The following MS4A4E variants were observed in gnomAD, a reference collection of about 807,000 sequenced individuals.
The protein encoded by MS4A4E is putative membrane-spanning 4-domains subfamily A member 4E.
MS4A4E carries 23 observed loss-of-function variants against 13.3 expected under a neutral mutation model. The observed-to-expected ratio is 1.73, with a 90% CI of 1.25 to 2.45. The LOEUF is 2.45. Among genes scored for constraint, MS4A4E ranks in the 30% most tolerant of loss-of-function variants. The pLI is 0.00. For missense variants in MS4A4E, 144 were observed against 131.2 expected (o/e 1.10, Z -0.48); for synonymous variants, 36 against 45.6 (o/e 0.79, Z 0.85).
intron 1 of MS4A4E, among the ~76,000 whole-genome samples, chr11:60,242,671 T>TA (rs1006623026): frequency 5.9e-5 from 9 of 152,338 alleles, no homozygotes; most frequent in African/African-American, 2.2e-4. Flanking sequence ...CCTGAGAACT[T>TA]ACGGAACAAA....
rs1192396933 is a variant in MS4A4E, at chr11:60,201,071, A to AC, written c.*471dup. 2.0e-5 allele frequency among the ~76,000 whole-genome samples: 2 copies of AC among 98,128 alleles called. No individual in the cohort carries two copies. Among genetic ancestry groups the AC allele is most frequent in the African/African-American group, 4.1e-5 (1 of 24,464 alleles). The allele number at this position is 98,128 out of a possible 152,430, so 64.4% of individuals were successfully genotyped here. On this transcript the variant is annotated 3_prime_UTR_variant, in exon 9 of 9. Coordinates refer to ENST00000651255, the MANE Select transcript of MS4A4E (RefSeq NM_001393391.1). ...GGTGGCTGGCCGGGTGGGGGGCTGAACCCCCCACCTCCCTCCCGGACGGGG... is the reference window on the plus strand; with the variant it reads ...GGTGGCTGGCCGGGTGGGGGGCTGAACCCCCCCACCTCCCTCCCGGACGGGG...
chr11:60,215,960 T>G (rs2084186588), intron 3 of MS4A4E, among the ~76,000 whole-genome samples: 1 of 152,150 alleles, frequency 6.6e-6, no homozygotes, highest in African/African-American at 2.4e-5. Context: ...GGAAAAAATA[T>G]GTATATGGTA....
At chr11:60,208,551 C>G in intron 6 of MS4A4E, 42 bp downstream of exon 6, 1 of 743,114 alleles carries the variant, frequency 1.3e-6, no homozygotes, top group Non-Finnish European at 2.2e-6. Flanking sequence ...TACAGCAATA[C>G]AAAAGTAATA....
intron 1 of MS4A4E, among the ~76,000 whole-genome samples, chr11:60,230,553 T>C (rs2084396199): frequency 6.6e-6 from 1 of 152,208 alleles, no homozygotes; most frequent in Admixed American, 6.5e-5. Context: ...AATCTTCCCA[T>C]GTAACCTTGT....
chr11:60,211,399 G>A (rs941708364), intron 5 of MS4A4E, among the ~76,000 whole-genome samples: 3 of 152,176 alleles, frequency 2.0e-5, no homozygotes, highest in East Asian at 1.9e-4. Flanking sequence ...GTGTGACTAC[G>A]TAGCCCTCAA....
chr11:60,228,586 A>G lies in MS4A4E; in HGVS notation c.178+8T>C, dbSNP rs1354731337. 1 of 697,626 alleles carries G rather than the reference A, an allele frequency of 1.4e-6. No homozygotes were observed. Among genetic ancestry groups the G allele is most frequent in the Non-Finnish European group, 2.6e-6 (1 of 382,644 alleles). The allele number at this position is 697,626 out of a possible 1,614,324, so 43.2% of individuals were successfully genotyped here. A position where few individuals can be genotyped will look rare whatever the true frequency, so the allele number is the denominator to read the frequency against. On this transcript the variant is annotated splice_region_variant and intron_variant, in intron 3 of 8. Transcript: ENST00000651255. ...ACTCTTACAATACAATATAGTAATC[A>G]TACTTACCCGAATGAGTTGAAAACT...
chr11:60,224,235 C>T (rs559720687), intron 3 of MS4A4E, among the ~76,000 whole-genome samples: 25 of 152,144 alleles, frequency 1.6e-4, no homozygotes, highest in Non-Finnish European at 3.2e-4. Flanking sequence ...ACTTAAATTC[C>T]AATTCTAATT....
In MS4A4E at chr11:60,224,749, T is replaced by C. The variant is rs969629990; in HGVS notation, c.178+3845A>G. On this transcript the variant is annotated intron_variant, in intron 3 of 8. Transcript: ENST00000651255. ...TCTTTGGCAATGTGTTGCTGTAATA[T>C]ATCCTAACTGACTTATATAAAGTAT... Among the ~76,000 whole-genome samples, 5 of 152,198 alleles carry C rather than the reference T, an allele frequency of 3.3e-5. No individual in the cohort carries two copies. In the South Asian group the frequency reaches 6.2e-4, roughly 19 times the overall value.
chr11:60,212,666 T>A (rs1026283970), intron 5 of MS4A4E, among the ~76,000 whole-genome samples: 9 of 152,188 alleles, frequency 5.9e-5, no homozygotes, highest in Non-Finnish European at 1.0e-4. Flanking sequence ...CAGTAGACAC[T>A]GCATCAATGT....
At chr11:60,213,178 G>T in intron 4 of MS4A4E, 46 bp from the exon 5 acceptor site, 1 of 1,014,022 alleles carries the variant, frequency 9.9e-7, no homozygotes, top group Non-Finnish European at 1.5e-6. Context: ...ATCATCCTCA[G>T]ATATATCTCT....
At chr11:60,233,447 GCTTTAGAGTTACAGC>G (rs767376157) in intron 1 of MS4A4E, among the ~76,000 whole-genome samples, 10 of 152,214 alleles carry the variant, frequency 6.6e-5, no homozygotes, top group Non-Finnish European at 1.3e-4. Context: ...ACTGAGGTGT[GCTTTAGAGTTACAGC>G]CTTAGCTTTG....
chr11:60,203,098 C>T (rs142977337), intron 8 of MS4A4E, among the ~76,000 whole-genome samples: 1 of 152,152 alleles, frequency 6.6e-6, no homozygotes, highest in South Asian at 2.1e-4. Context: ...TGTGGACACA[C>T]TTATCTGTTT....
At chr11:60,214,051 C>T (rs7932904) in intron 4 of MS4A4E, among the ~76,000 whole-genome samples, 19,428 of 151,876 alleles carry the variant, frequency 0.13, 1,331 homozygotes, top group Middle Eastern at 0.16. Context: ...ATTACAGGCG[C>T]CCGTCACCAC....
At position 60,241,696 on chromosome 11, in the gene MS4A4E, G is replaced by A. The variant is rs1349340495; in HGVS notation, c.-17+1262C>T. Among the ~76,000 whole-genome samples the A allele has an allele frequency of 5.3e-5, 8 of 152,236 alleles. No homozygotes were observed. The East Asian group carries it at 1.4e-3, about 26-fold the overall frequency. On this transcript the variant is annotated intron_variant, in intron 1 of 8. Transcript: ENST00000651255. ...AGGTCCCCAAGGAAAGAAAGCGTGT[G>A]TTTACAAGACTCCACTTCTCTACAA...
At chr11:60,205,290 C>T (rs949338966) in intron 7 of MS4A4E, among the ~76,000 whole-genome samples, 1 of 152,148 alleles carries the variant, frequency 6.6e-6, no homozygotes, top group African/African-American at 2.4e-5. Flanking sequence ...TTATGTTAAT[C>T]TGTGTCCTGT....
At chr11:60,210,735 C>T (rs186732994) in intron 5 of MS4A4E, among the ~76,000 whole-genome samples, 1 of 151,326 alleles carries the variant, frequency 6.6e-6, no homozygotes, top group East Asian at 2.0e-4. Context: ...ACACTATGGG[C>T]TCATAGACCT....
At position 60,201,529 on chromosome 11, in the gene MS4A4E, G is replaced by GTTT; in HGVS notation, c.*13_*14insAAA. 1 of 290,254 alleles carries GTTT rather than the reference G, an allele frequency of 3.4e-6. No individual in the cohort carries two copies. Among genetic ancestry groups the GTTT allele is most frequent in the Non-Finnish European group, 6.9e-6 (1 of 144,206 alleles). 18.0% of individuals were successfully genotyped at this position (290,254 alleles called of 1,614,324 possible). On this transcript the variant is annotated 3_prime_UTR_variant, in exon 9 of 9. Coordinates refer to ENST00000651255, the MANE Select transcript of MS4A4E (RefSeq NM_001393391.1). ...TCCCAGACAGGGCGGTGGGGCAAAGGCGCTCCCCACATCTCAGAAGATGGG... is the reference window on the plus strand; with the variant it reads ...TCCCAGACAGGGCGGTGGGGCAAAGGTTTCGCTCCCCACATCTCAGAAGATGGG...
rs773060077 is a variant in MS4A4E, at chr11:60,230,016, C to T, written c.40G>A (p.Ala14Thr). 3.1e-6 allele frequency: 5 copies of T among 1,612,784 alleles called. No homozygotes were observed. In the South Asian group the frequency reaches 3.3e-5, roughly 11 times the overall value. Reference sequence around the variant, plus strand: ...CCCAGCTGGGGCACATCAGGGCCAGCCCCTGGAGTGGTCTGTTCCATTCCT... The same window carrying T: ...CCCAGCTGGGGCACATCAGGGCCAGTCCCTGGAGTGGTCTGTTCCATTCCT... ...MQGMEQTTPG[A>T]GPDVPQLGNI... Residue 14 changes from alanine (A) to threonine (T), a missense_variant, in exon 2 of 9, where the codon GCT becomes ACT. Ala to Thr is a moderately conservative substitution (Grantham distance 58). This residue lies in a region of MS4A4E where 119 missense variants were observed against 88.7 expected (regional missense o/e 1.34). Coordinates refer to ENST00000651255, the MANE Select transcript of MS4A4E (RefSeq NM_001393391.1).
intron 3 of MS4A4E, among the ~76,000 whole-genome samples, chr11:60,224,670 A>C (rs1189169414): frequency 6.6e-6 from 1 of 152,190 alleles, no homozygotes; most frequent in African/African-American, 2.4e-5. Context: ...ATAAGCCCCT[A>C]ATCTTGTTGT....
Sources: allele counts gnomAD v4.1 joint callset (sites outside exome capture counted in the v4.1 genomes callset), GRCh38; gene constraint gnomAD v4.1.1; regional missense constraint gnomAD v4.1.1; transcripts MANE v1.5; gene names NCBI Gene and HGNC (gene_info 2026-07-23, HGNC 2026-07-21).